SBNO1: variants seen among roughly 807,000 people sequenced by gnomAD.
The protein encoded by SBNO1 is strawberry notch homolog 1.
SBNO1 carries 23 observed loss-of-function variants against 173.6 expected under a neutral mutation model. That is an observed-to-expected ratio of 0.13 (90% CI 0.10 to 0.19). The LOEUF (loss-of-function observed/expected upper bound fraction) is 0.19, where lower values mean the gene tolerates loss of function less well. Ranked by LOEUF, SBNO1 falls within the 10% of genes least tolerant of loss-of-function variation. The pLI is 1.00. For synonymous variants in SBNO1, 632 were observed against 571.5 expected, an observed-to-expected ratio of 1.11 and a Z score of -1.51; for missense variants, 1,238 against 1,671.2, an observed-to-expected ratio of 0.74 and a Z score of 4.52.
intron 1 of SBNO1, among the ~76,000 whole-genome samples, chr12:123,357,395 G>C (rs953423559): frequency 1.3e-5 from 2 of 151,648 alleles, no homozygotes; most frequent in Non-Finnish European, 2.9e-5. Context: ...GTTGCAGTGA[G>C]CCGAGACTGC....
At chr12:123,349,449 G>A (rs1273277812) in intron 2 of SBNO1, among the ~76,000 whole-genome samples, 4 of 152,036 alleles carry the variant, frequency 2.6e-5, no homozygotes, top group Non-Finnish European at 5.9e-5. Context: ...TGAAATCACA[G>A]AAGAATATCC....
chr12:123,308,422 GC>G (rs1393400471), intron 28 of SBNO1, among the ~76,000 whole-genome samples: 4 of 152,170 alleles, frequency 2.6e-5, no homozygotes, highest in African/African-American at 9.6e-5. Context: ...TGTAATCCCA[GC>G]ACTTTGGGAG....
At chr12:123,358,292 C>T (rs1874695466) in intron 1 of SBNO1, among the ~76,000 whole-genome samples, 2 of 152,220 alleles carry the variant, frequency 1.3e-5, no homozygotes, top group African/African-American at 4.8e-5. Flanking sequence ...GGCATCATGT[C>T]AGTGCTGAAA....
At chr12:123,343,500 CA>C (rs1473855574) in intron 4 of SBNO1, among the ~76,000 whole-genome samples, 4 of 149,670 alleles carry the variant, frequency 2.7e-5, no homozygotes, top group African/African-American at 9.8e-5. Context: ...TCTCCTACAA[CA>C]AAAAACTTTG....
At chr12:123,334,776 T>TA (rs63191563) in intron 6 of SBNO1, among the ~76,000 whole-genome samples, 41,022 of 151,746 alleles carry the variant, frequency 0.27, 6,732 homozygotes, top group African/African-American at 0.45. Context: ...AAAAAAGATC[T>TA]AAAAAAACAC....
At position 123,327,408 on chromosome 12, in the gene SBNO1, T is replaced by C; in HGVS notation, c.1692+18A>G. On this transcript the variant is annotated intron_variant, in intron 13 of 31. Transcript: ENST00000602398. ...AGATACATTAAATAAACACTAGGAA[T>C]TAAGAAAAATTCCTCACCAGCTTGA... 1 of 1,600,604 alleles carries C rather than the reference T, an allele frequency of 6.2e-7. No individual in the cohort carries two copies. The highest frequency in any genetic ancestry group is 8.5e-7 in the Non-Finnish European group (1 of 1,173,226).
In SBNO1 at chr12:123,359,532, G is replaced by A. The variant is rs555857199; in HGVS notation, c.-1+5169C>T. ...ATCGCACTCGTGCACTCCAGACTGG[G>A]CAACAGAGGGAGACTCCGTCTCAAA... On this transcript the variant is annotated intron_variant, in intron 1 of 31. Coordinates refer to ENST00000602398, the MANE Select transcript of SBNO1 (RefSeq NM_001167856.3). Among the ~76,000 whole-genome samples, 15 of 138,080 alleles carry A rather than the reference G, an allele frequency of 1.1e-4. No individual in the cohort carries two copies. In the South Asian group the frequency reaches 2.8e-3, roughly 26 times the overall value. The allele number at this position is 138,080 out of a possible 152,430, so 90.6% of individuals were successfully genotyped here.
At chr12:123,316,513 T>G (rs77807587) in intron 21 of SBNO1, among the ~76,000 whole-genome samples, 2 of 151,926 alleles carry the variant, frequency 1.3e-5, no homozygotes, top group African/African-American at 4.8e-5. Flanking sequence ...CGTGAGCCGC[T>G]GCGCCCAGCC....
At chr12:123,308,279 A>G (rs1003213376) in intron 28 of SBNO1, among the ~76,000 whole-genome samples, 5 of 152,200 alleles carry the variant, frequency 3.3e-5, no homozygotes, top group Admixed American at 6.6e-5. Flanking sequence ...TCATAACTGA[A>G]AGAATGTAGC....
In SBNO1 at chr12:123,311,111, A is replaced by G. The variant is rs772980757; in HGVS notation, c.3239T>C (p.Ile1080Thr). 1.1e-5 allele frequency: 17 copies of G among 1,613,414 alleles called. No homozygotes were observed. Among genetic ancestry groups the G allele is most frequent in the South Asian group, 9.9e-5 (9 of 91,076 alleles). Residue 1080 changes from isoleucine to threonine, a missense_variant, in exon 25 of 32, where the codon ATA becomes ACA. This residue lies in a region of SBNO1 where 351 missense variants were observed against 420.3 expected (regional missense o/e 0.84). Transcript: ENST00000602398. ...TTCTACATTTATCAGGCCAACGCCT[A>G]TCAGTCCTTGTCGAACATCTGTAAG... ...EFFKDVRQGL[I>T]GVGLINVEDR...
chr12:123,348,836 T>C (rs1052512877), intron 2 of SBNO1, among the ~76,000 whole-genome samples: 19 of 151,962 alleles, frequency 1.3e-4, no homozygotes, highest in African/African-American at 3.9e-4. Flanking sequence ...GGCGGCCCCC[T>C]GTAATCCCAG....
At chr12:123,309,243 G>T in intron 28 of SBNO1, 67 bp downstream of exon 28, 2 of 1,142,910 alleles carry the variant, frequency 1.7e-6, no homozygotes, top group South Asian at 1.3e-5. Context: ...AAAGTGAAGA[G>T]ACAATTACAA....
At chr12:123,313,535 T>C (rs1271638091) in intron 24 of SBNO1, 85 bp downstream of exon 24, 2 of 697,056 alleles carry the variant, frequency 2.9e-6, no homozygotes, top group Non-Finnish European at 4.8e-6. Flanking sequence ...AGAAAAAAAC[T>C]AATATAACAG....
intron 16 of SBNO1, among the ~76,000 whole-genome samples, chr12:123,322,163 C>T (rs1480238445): frequency 1.3e-5 from 2 of 152,158 alleles, no homozygotes; most frequent in East Asian, 3.8e-4. Context: ...GAGACAGGGC[C>T]TCACTGTTGC....
Position 123,291,407 on chromosome 12 carries a change from G to C in SBNO1, c.*4501C>G, listed in dbSNP as rs2048509030. The C allele has an allele frequency of 6.6e-6, 1 of 152,176 alleles. No homozygotes were observed. Among genetic ancestry groups the C allele is most frequent in the Non-Finnish European group, 1.5e-5 (1 of 68,040 alleles). 9.4% of individuals were successfully genotyped at this position (152,176 alleles called of 1,614,324 possible). A position where few individuals can be genotyped will look rare whatever the true frequency, so the allele number is the denominator to read the frequency against. ...ACTGAAGAAGTTAGAGGAGCTTAAA[G>C]AAGTCTCAGGAAGCATTTTTTAAAA... On this transcript the variant is annotated 3_prime_UTR_variant, in exon 32 of 32. Coordinates refer to ENST00000602398, the MANE Select transcript of SBNO1 (RefSeq NM_001167856.3).
At chr12:123,325,169 A>G (rs1304818924) in intron 15 of SBNO1, among the ~76,000 whole-genome samples, 2 of 152,180 alleles carry the variant, frequency 1.3e-5, no homozygotes, top group East Asian at 3.8e-4. Flanking sequence ...TCCTGTGGAT[A>G]ACGGTAATTT....
chr12:123,295,776 C>G lies in SBNO1; in HGVS notation c.*132G>C. 1 of 1,221,698 alleles carries G rather than the reference C, an allele frequency of 8.2e-7. No individual in the cohort carries two copies. Among genetic ancestry groups the G allele is most frequent in the Non-Finnish European group, 1.1e-6 (1 of 871,382 alleles). The allele number at this position is 1,221,698 out of a possible 1,614,324, so 75.7% of individuals were successfully genotyped here. The stretch of plus-strand genomic sequence containing the variant: ...GCTATCTATTCCAGGTTTGTCCTTA[C>G]TCCCAAAAAAACTAACTAGAGAGCA... On this transcript the variant is annotated 3_prime_UTR_variant, in exon 32 of 32. Transcript: ENST00000602398.
intron 2 of SBNO1, among the ~76,000 whole-genome samples, chr12:123,348,568 C>T (rs1178645282): frequency 6.6e-6 from 1 of 152,128 alleles, no homozygotes; most frequent in Non-Finnish European, 1.5e-5. Context: ...AGATCGAGAC[C>T]ATCCTGGCTA....
rs759100739 is a variant in SBNO1 at position 123,334,067 on chromosome 12, T to A, written c.895A>T (p.Thr299Ser). The change falls in exon 7 of 32, where the codon ACA (threonine) becomes TCA (serine). Residue 299 changes from threonine to serine, a missense_variant. Around this residue, in one of 14 missense-constraint regions of SBNO1, gnomAD observed 78 missense variants for 103.3 expected, o/e 0.76. Coordinates refer to ENST00000602398, the MANE Select transcript of SBNO1 (RefSeq NM_001167856.3). ...TTATTGCTTACCTGGGCTGCATATG[T>A]AATTGCCTCAAGCTGCAATGCTGAT... The part of the protein sequence containing the change: ...WLSALQLEAI[T>S]YAAQQHETFL... 6.3e-7 allele frequency: 1 copy of A among 1,587,166 alleles called. No individual in the cohort carries two copies. The highest frequency in any genetic ancestry group is 1.2e-5 in the South Asian group (1 of 83,336).
Sources: allele counts gnomAD v4.1 joint callset (sites outside exome capture counted in the v4.1 genomes callset), GRCh38; gene constraint gnomAD v4.1.1; regional missense constraint gnomAD v4.1.1; transcripts MANE v1.5; gene names NCBI Gene and HGNC (gene_info 2026-07-23, HGNC 2026-07-21).